PCOLCE2: variants seen among roughly 807,000 people sequenced by gnomAD.
PCOLCE2 encodes procollagen C-proteinase enhancer 2.
Under a neutral mutation model 47.0 loss-of-function variants are expected in PCOLCE2, and 42 were observed. The ratio of observed to expected loss-of-function variants is 0.89; its 90% CI spans 0.70 to 1.16. The LOEUF (loss-of-function observed/expected upper bound fraction) is 1.16. Ranked by LOEUF, PCOLCE2 falls within the 50% of genes most tolerant of loss-of-function variation. The pLI, the probability that PCOLCE2 is intolerant of heterozygous loss-of-function variation, is 0.00. For synonymous variants in PCOLCE2, 169 were observed against 191.7 expected, an observed-to-expected ratio of 0.88 and a Z score of 0.98; for missense variants, 500 against 526.1, an observed-to-expected ratio of 0.95 and a Z score of 0.49.
In PCOLCE2 at chr3:142,817,897, C is replaced by T. The variant is rs922631660; in HGVS notation, c.*438G>A. On this transcript the variant is annotated 3_prime_UTR_variant, in exon 9 of 9. Coordinates refer to ENST00000295992, the MANE Select transcript of PCOLCE2 (RefSeq NM_013363.4). The stretch of plus-strand genomic sequence containing the variant: ...AATCCTTTAAAAATATTTTATTAAG[C>T]ATTGATTTAGAAAACGCAAGACAAG... The T allele has an allele frequency of 1.9e-5, 3 of 155,572 alleles. No individual in the cohort carries two copies. Among genetic ancestry groups the T allele is most frequent in the African/African-American group, 7.2e-5 (3 of 41,476 alleles). The allele number at this position is 155,572 out of a possible 1,614,324, so 9.6% of individuals were successfully genotyped here. A position where few individuals can be genotyped will look rare whatever the true frequency, so the allele number is the denominator to read the frequency against.
chr3:142,820,217 A>G (rs772438419), intron 8 of PCOLCE2, among the ~76,000 whole-genome samples: 1 of 152,078 alleles, frequency 6.6e-6, no homozygotes, highest in Non-Finnish European at 1.5e-5. Flanking sequence ...CTGGGATTAC[A>G]GGCATGAGCT....
chr3:142,830,776 A>G (rs1222191438), intron 5 of PCOLCE2, among the ~76,000 whole-genome samples: 1 of 152,224 alleles, frequency 6.6e-6, no homozygotes, highest in Non-Finnish European at 1.5e-5. Flanking sequence ...TGTCTGATTA[A>G]TTCTGTTTAA....
At chr3:142,837,249 A>G (rs1368152104) in intron 5 of PCOLCE2, among the ~76,000 whole-genome samples, 2 of 152,246 alleles carry the variant, frequency 1.3e-5, no homozygotes, top group Non-Finnish European at 2.9e-5. Flanking sequence ...ACTTTAGTCC[A>G]GTGTCTGGCT....
At chr3:142,839,560 G>A (rs1454438956) in intron 4 of PCOLCE2, among the ~76,000 whole-genome samples, 4 of 152,116 alleles carry the variant, frequency 2.6e-5, no homozygotes, top group Admixed American at 6.6e-5. Context: ...TAATCCACCT[G>A]CCTTGGCCTC....
chr3:142,883,577 C>G (rs1485777886), intron 2 of PCOLCE2, among the ~76,000 whole-genome samples: 1 of 151,740 alleles, frequency 6.6e-6, no homozygotes, highest in Non-Finnish European at 1.5e-5. Context: ...CACCACCACA[C>G]CCAGCTAATT....
chr3:142,855,180 CCCTCTTATT>C, intron 2 of PCOLCE2, among the ~76,000 whole-genome samples: 1 of 152,260 alleles, frequency 6.6e-6, no homozygotes, highest in South Asian at 2.1e-4. Context: ...GATCACACAG[CCCTCTTATT>C]TCTTCACAGA....
intron 2 of PCOLCE2, among the ~76,000 whole-genome samples, chr3:142,882,335 C>T (rs1933640687): frequency 6.6e-6 from 1 of 151,960 alleles, no homozygotes; most frequent in African/African-American, 2.4e-5. Context: ...TGTGAGCCAC[C>T]AGGCCTGGCC....
chr3:142,872,397 C>T (rs1933408398), intron 2 of PCOLCE2, among the ~76,000 whole-genome samples: 1 of 152,040 alleles, frequency 6.6e-6, no homozygotes, highest in Non-Finnish European at 1.5e-5. Context: ...CAGGATCTAC[C>T]CCACTTCCTC....
At chr3:142,863,413 T>G (rs1436094067) in intron 2 of PCOLCE2, among the ~76,000 whole-genome samples, 1 of 152,212 alleles carries the variant, frequency 6.6e-6, no homozygotes, top group Non-Finnish European at 1.5e-5. Context: ...TGTTGCAATA[T>G]CATAAGGCAG....
intron 2 of PCOLCE2, among the ~76,000 whole-genome samples, chr3:142,859,886 C>G (rs1933146102): frequency 6.6e-6 from 1 of 152,176 alleles, no homozygotes; most frequent in African/African-American, 2.4e-5. Flanking sequence ...AAAAGCCCTT[C>G]CCTTCTGGGA....
intron 2 of PCOLCE2, among the ~76,000 whole-genome samples, chr3:142,875,069 C>G (rs1160691324): frequency 6.6e-6 from 1 of 152,098 alleles, no homozygotes; most frequent in Non-Finnish European, 1.5e-5. Context: ...TTTCATATAT[C>G]TAAGATTTAT....
intron 2 of PCOLCE2, among the ~76,000 whole-genome samples, chr3:142,870,151 T>C (rs1933358425): frequency 6.6e-6 from 1 of 152,198 alleles, no homozygotes; most frequent in Non-Finnish European, 1.5e-5. Context: ...AGATCCTAAC[T>C]CAAAATAACA....
At chr3:142,822,453 A>G (rs138075341) in intron 7 of PCOLCE2, among the ~76,000 whole-genome samples, 1 of 152,290 alleles carries the variant, frequency 6.6e-6, no homozygotes, top group East Asian at 1.9e-4. Flanking sequence ...TTCAGAATAA[A>G]GTGAACACTC....
At chr3:142,879,970 CAAAAAAA>C (rs772887718) in intron 2 of PCOLCE2, among the ~76,000 whole-genome samples, 2 of 53,514 alleles carry the variant, frequency 3.7e-5, no homozygotes, top group Non-Finnish European at 4.9e-5. Context: ...GACTCCATCT[CAAAAAAA>C]AAAAAAAAAA....
chr3:142,853,809 T>C (rs868589690), intron 2 of PCOLCE2, among the ~76,000 whole-genome samples: 1 of 152,122 alleles, frequency 6.6e-6, no homozygotes, highest in African/African-American at 2.4e-5. Context: ...TACTGTTTTG[T>C]GAGATTATAT....
chr3:142,844,474 A>G (rs1270937837), intron 3 of PCOLCE2, among the ~76,000 whole-genome samples: 1 of 152,212 alleles, frequency 6.6e-6, no homozygotes, highest in African/African-American at 2.4e-5. Flanking sequence ...TAACTTCATA[A>G]AAAACTACTG....
chr3:142,870,539 A>C (rs1933369174), intron 2 of PCOLCE2, among the ~76,000 whole-genome samples: 1 of 152,052 alleles, frequency 6.6e-6, no homozygotes, highest in African/African-American at 2.4e-5. Context: ...CCACAGTTCA[A>C]CCTCAACAGA....
chr3:142,877,634 T>A (rs55733124), intron 2 of PCOLCE2, among the ~76,000 whole-genome samples: 2,189 of 152,302 alleles, frequency 0.014, 23 homozygotes, highest in Non-Finnish European at 0.021. Flanking sequence ...CTTTAGAAAG[T>A]CCCAGAAACT....
intron 1 of PCOLCE2, 129 bp downstream of exon 1, chr3:142,888,685 G>A (rs887818680): frequency 3.8e-6 from 2 of 520,764 alleles, no homozygotes; most frequent in African/African-American, 2.0e-5. Context: ...CCTGCACCGC[G>A]CGGGAGCGCA....
Sources: gnomAD v4.1 joint callset for allele counts (sites outside exome capture counted in the v4.1 genomes callset) on GRCh38, gnomAD v4.1.1 for gene constraint, MANE v1.5 for transcripts, NCBI Gene and HGNC (gene_info 2026-07-23, HGNC 2026-07-21) for gene names.